WWC2: variants seen among roughly 807,000 people sequenced by gnomAD.
WWC2 encodes WW and C2 domain containing 2, also known as protein WWC2.
A neutral mutation model predicts 138.5 loss-of-function variants in WWC2; 101 were observed. That is an observed-to-expected ratio of 0.73 (90% CI 0.62 to 0.86). The LOEUF (loss-of-function observed/expected upper bound fraction) is 0.86. WWC2 is among the 40% of genes least tolerant of loss of function. The pLI is 0.00. For synonymous variants in WWC2, 558 were observed against 538.4 expected (o/e 1.04, Z -0.50); for missense variants, 1,420 against 1,419.4 (o/e 1.00, Z -0.01).
chr4:183,285,166 A>G (rs1304736081), intron 19 of WWC2, among the ~76,000 whole-genome samples: 2 of 152,142 alleles, frequency 1.3e-5, no homozygotes, highest in African/African-American at 4.8e-5. Context: ...TTGGAAGGGG[A>G]TCAATGCTAT....
chr4:183,304,512 G>T (rs1738962456), intron 21 of WWC2, among the ~76,000 whole-genome samples: 1 of 152,160 alleles, frequency 6.6e-6, no homozygotes, highest in Non-Finnish European at 1.5e-5. Flanking sequence ...AAAGCATTCT[G>T]TTCTTTTCAG....
chr4:183,247,980 T>A (rs939529717), intron 6 of WWC2, among the ~76,000 whole-genome samples: 3 of 151,918 alleles, frequency 2.0e-5, no homozygotes, highest in Admixed American at 2.0e-4. Context: ...GTTTCCTTTT[T>A]ATTGTTTTAA....
rs1392195016 is a variant in WWC2, at chr4:183,133,145, TTTTTTTC to T, written c.131+33530_131+33536del. Reference sequence around the variant, plus strand: ...CCCTTTTTTTCTTTTCTTTCTTTCTTTTTTTTCTTTTTTTTTTTTTTTTGACCAGGTC... The same window carrying T: ...CCCTTTTTTTCTTTTCTTTCTTTCTTTTTTTTTTTTTTTTTTGACCAGGTC... On this transcript the variant is annotated intron_variant, in intron 1 of 22. Transcript: ENST00000403733. Among the ~76,000 whole-genome samples the T allele has an allele frequency of 4.6e-3, 626 of 135,176 alleles. 6 individuals carry two copies. The highest frequency in any genetic ancestry group is 0.018 in the African/African-American group (602 of 33,272). The allele number at this position is 135,176 out of a possible 152,430, so 88.7% of individuals were successfully genotyped here.
Position 183,282,860 on chromosome 4 carries a change from G to A in WWC2, c.2837G>A (p.Cys946Tyr), listed in dbSNP as rs767941267. 5.7e-6 allele frequency: 9 copies of A among 1,591,920 alleles called. No homozygotes were observed. In the Middle Eastern group the frequency reaches 6.6e-4, roughly 117 times the overall value. ...NEDGNRKESN[C>Y]AKDLRSQPPT... is the part of the protein sequence containing the mutation. ...GACGGGAACAGGAAAGAAAGCAACT[G>A]TGCCAAAGACCTCAGAAGTCAGCCA... Residue 946 changes from cysteine (C) to tyrosine (Y), a missense_variant, in exon 18 of 23, where the codon TGT becomes TAT. Transcript: ENST00000403733.
chr4:183,319,510 T>C lies in WWC2; in HGVS notation c.*3781T>C, dbSNP rs374445616. ...GAGCGGGACATCCTACCAAATCCAGTGTTGAGCAAGCGTCTCCTGAACAGC... is the reference window on the plus strand; with the variant it reads ...GAGCGGGACATCCTACCAAATCCAGCGTTGAGCAAGCGTCTCCTGAACAGC... On this transcript the variant is annotated 3_prime_UTR_variant, in exon 23 of 23. Transcript: ENST00000403733. The C allele has an allele frequency of 4.8e-5, 74 of 1,529,154 alleles. No individual in the cohort carries two copies. The African/African-American group carries it at 9.9e-4, about 20-fold the overall frequency. 94.7% of individuals were successfully genotyped at this position (1,529,154 alleles called of 1,614,324 possible).
intron 2 of WWC2, among the ~76,000 whole-genome samples, chr4:183,202,305 G>T (rs1735324042): frequency 6.6e-6 from 1 of 152,112 alleles, no homozygotes; most frequent in Non-Finnish European, 1.5e-5. Flanking sequence ...ATGGGCTCAT[G>T]GGAGTCATTT....
intron 4 of WWC2, among the ~76,000 whole-genome samples, chr4:183,237,062 A>C (rs1192329392): frequency 6.6e-6 from 1 of 152,210 alleles, no homozygotes; most frequent in African/African-American, 2.4e-5. Context: ...AAAAGAAAAA[A>C]AGCAAAAATC....
intron 1 of WWC2, among the ~76,000 whole-genome samples, chr4:183,173,793 G>A (rs749295533): frequency 1.3e-5 from 2 of 152,082 alleles, no homozygotes; most frequent in Non-Finnish European, 2.9e-5. Flanking sequence ...GTAAATGTTT[G>A]TTGTTTTTAA....
intron 4 of WWC2, among the ~76,000 whole-genome samples, chr4:183,220,834 A>C (rs1468852484): frequency 6.6e-6 from 1 of 151,872 alleles, no homozygotes; most frequent in Middle Eastern, 3.4e-3. Context: ...ACTCCGTCTC[A>C]AAAAGAAAAA....
chr4:183,256,841 GCTAGATGCACATGAATTTTCAGTCT>G (rs1023347420), intron 9 of WWC2, among the ~76,000 whole-genome samples: 1 of 149,396 alleles, frequency 6.7e-6, no homozygotes, highest in African/African-American at 2.5e-5. Flanking sequence ...GTCTGAAGGA[GCTAGATGCACATGAATTTTCAGTCT>G]CTGAGTGTGA....
At chr4:183,180,312 G>C (rs1734590464) in intron 1 of WWC2, among the ~76,000 whole-genome samples, 1 of 152,136 alleles carries the variant, frequency 6.6e-6, no homozygotes, top group South Asian at 2.1e-4. Flanking sequence ...CTGTGAAGTA[G>C]TACTTCCACA....
chr4:183,173,253 T>C (rs1734344494), intron 1 of WWC2, among the ~76,000 whole-genome samples: 2 of 152,162 alleles, frequency 1.3e-5, no homozygotes, highest in South Asian at 2.1e-4. Context: ...GGTCTTGTTA[T>C]GTTGCCCAGG....
intron 20 of WWC2, among the ~76,000 whole-genome samples, chr4:183,286,738 C>T (rs565765760): frequency 6.6e-6 from 1 of 152,168 alleles, no homozygotes; most frequent in Non-Finnish European, 1.5e-5. Flanking sequence ...CAGAGCACCA[C>T]ATGTGCTGAG....
intron 21 of WWC2, among the ~76,000 whole-genome samples, chr4:183,309,626 A>G (rs550154279): frequency 2.0e-5 from 3 of 152,264 alleles, no homozygotes; most frequent in Non-Finnish European, 4.4e-5. Context: ...CATTGCTGAT[A>G]GAAATGCAAA....
intron 19 of WWC2, among the ~76,000 whole-genome samples, chr4:183,284,676 C>T (rs887966029): frequency 6.6e-6 from 1 of 152,094 alleles, no homozygotes; most frequent in African/African-American, 2.4e-5. Context: ...ATTTGGACTT[C>T]GGTCTGTATT....
At chr4:183,130,330 G>A (rs1443468668) in intron 1 of WWC2, among the ~76,000 whole-genome samples, 3 of 152,104 alleles carry the variant, frequency 2.0e-5, no homozygotes, top group South Asian at 4.1e-4. Flanking sequence ...GATTACAGGC[G>A]TGAGCCAGCG....
intron 4 of WWC2, among the ~76,000 whole-genome samples, chr4:183,234,663 T>C (rs1421856419): frequency 6.6e-6 from 1 of 152,166 alleles, no homozygotes; most frequent in Non-Finnish European, 1.5e-5. Flanking sequence ...CTTTCCTCTT[T>C]AGGTCCCGGG....
At chr4:183,293,106 C>T (rs973867984) in intron 21 of WWC2, among the ~76,000 whole-genome samples, 8 of 152,044 alleles carry the variant, frequency 5.3e-5, no homozygotes, top group African/African-American at 1.2e-4. Flanking sequence ...AGGTGCACAC[C>T]GCCACACTCA....
At chr4:183,165,941 T>C (rs1734117282) in intron 1 of WWC2, among the ~76,000 whole-genome samples, 1 of 152,178 alleles carries the variant, frequency 6.6e-6, no homozygotes, top group African/African-American at 2.4e-5. Flanking sequence ...ATTTATGGAG[T>C]CCCCAGAGTA....
Sources: allele counts gnomAD v4.1 joint callset (sites outside exome capture counted in the v4.1 genomes callset), GRCh38; gene constraint gnomAD v4.1.1; transcripts MANE v1.5; gene names NCBI Gene and HGNC (gene_info 2026-07-23, HGNC 2026-07-21).